Variants in CPQ observed in about 807,000 individuals in gnomAD.
The protein encoded by CPQ is Ser-Met dipeptidase.
In CPQ, 37 loss-of-function variants were observed where a neutral mutation model predicts 45.7. The observed-to-expected ratio is 0.81, with a 90% confidence interval of 0.62 to 1.07. The LOEUF is 1.07. Ranked by LOEUF, CPQ falls within the 50% of genes least tolerant of loss-of-function variation. CPQ has a pLI of 0.00. For missense variants in CPQ, 537 were observed against 572.9 expected, an observed-to-expected ratio of 0.94 and a Z score of 0.64; for synonymous variants, 186 against 205.8, an observed-to-expected ratio of 0.90 and a Z score of 0.82.
chr8:97,119,707 A>G (rs948144110), intron 7 of CPQ, among the ~76,000 whole-genome samples: 2 of 152,212 alleles, frequency 1.3e-5, no homozygotes, highest in African/African-American at 4.8e-5. Flanking sequence ...AGACCCCTGC[A>G]TCGTGACACT....
intron 2 of CPQ, among the ~76,000 whole-genome samples, chr8:96,807,225 T>G (rs1811090581): frequency 6.6e-6 from 1 of 151,912 alleles, no homozygotes; most frequent in Non-Finnish European, 1.5e-5. Context: ...AACTGCTGTT[T>G]TTTTTTTAAT....
At chr8:97,012,622 G>C (rs1378655206) in intron 5 of CPQ, among the ~76,000 whole-genome samples, 2 of 152,132 alleles carry the variant, frequency 1.3e-5, no homozygotes, top group South Asian at 4.2e-4. Flanking sequence ...TAAACTTGGG[G>C]AGTCTTTTTT....
chr8:96,697,628 A>G (rs115518593), intron 1 of CPQ, among the ~76,000 whole-genome samples: 2,987 of 152,286 alleles, frequency 0.02, 99 homozygotes, highest in African/African-American at 0.068. Context: ...CTCCACCAAA[A>G]AAGTATGAGA....
chr8:96,815,694 A>T (rs1811218464), intron 2 of CPQ, among the ~76,000 whole-genome samples: 1 of 152,106 alleles, frequency 6.6e-6, no homozygotes, highest in Non-Finnish European at 1.5e-5. Context: ...GGACTAGGCA[A>T]TGTCTCTATC....
intron 4 of CPQ, among the ~76,000 whole-genome samples, chr8:96,962,577 T>TCTAA (rs1488399368): frequency 6.6e-6 from 1 of 152,246 alleles, no homozygotes; most frequent in Non-Finnish European, 1.5e-5. Context: ...TGTTTGTTTG[T>TCTAA]CTAACTCAGA....
intron 5 of CPQ, among the ~76,000 whole-genome samples, chr8:97,016,472 A>G (rs1809581856): frequency 6.6e-6 from 1 of 152,258 alleles, no homozygotes; most frequent in African/African-American, 2.4e-5. Flanking sequence ...ATATTCATTC[A>G]GTCAATCAAA....
intron 1 of CPQ, among the ~76,000 whole-genome samples, chr8:96,733,075 C>T (rs973847941): frequency 3.3e-5 from 5 of 152,084 alleles, no homozygotes; most frequent in African/African-American, 1.2e-4. Context: ...TAAACAAACA[C>T]AAAGGCATTT....
chr8:96,959,247 C>G (rs773695353), intron 4 of CPQ, among the ~76,000 whole-genome samples: 7 of 152,094 alleles, frequency 4.6e-5, no homozygotes, highest in Non-Finnish European at 8.8e-5. Flanking sequence ...AAGAGGTGCT[C>G]AGGGAAAAGT....
At chr8:97,067,510 C>T (rs1810660001) in intron 7 of CPQ, among the ~76,000 whole-genome samples, 1 of 152,200 alleles carries the variant, frequency 6.6e-6, no homozygotes, top group South Asian at 2.1e-4. Context: ...TCTGGACCTA[C>T]TCCACTCCAG....
At chr8:96,736,992 T>A (rs879269296) in intron 1 of CPQ, among the ~76,000 whole-genome samples, 1 of 152,058 alleles carries the variant, frequency 6.6e-6, no homozygotes, top group Non-Finnish European at 1.5e-5. Flanking sequence ...TGTGCCCTCT[T>A]TCTGTATTTC....
At chr8:96,959,655 C>A (rs1813417922) in intron 4 of CPQ, among the ~76,000 whole-genome samples, 2 of 152,016 alleles carry the variant, frequency 1.3e-5, no homozygotes, top group African/African-American at 2.4e-5. Flanking sequence ...ACTCCTTGGC[C>A]TCTTCTCTAA....
chr8:97,066,009 G>A lies in CPQ; in HGVS notation c.1054G>A (p.Val352Ile). Residue 352 changes from valine to isoleucine, a missense_variant and splice_region_variant, in exon 7 of 8, where the codon GTA becomes ATA. By Grantham distance (29) the Val-to-Ile change is conservative (BLOSUM62 3). Transcript: ENST00000220763. ...GAFQYYQLHKVNISNYSLVME... is the reference protein window; with the variant it reads ...GAFQYYQLHKINISNYSLVME... The stretch of plus-strand genomic sequence containing the variant: ...CCAAACAATTTTCTCTTGTGTTTAG[G>A]TAAATATTTCCAACTACAGTCTGGT... 6.2e-7 allele frequency: 1 copy of A among 1,610,006 alleles called. No homozygotes were observed. Among genetic ancestry groups the A allele is most frequent in the Non-Finnish European group, 8.5e-7 (1 of 1,179,166 alleles).
chr8:96,774,481 A>C (rs1302780952), intron 1 of CPQ, among the ~76,000 whole-genome samples: 1 of 152,138 alleles, frequency 6.6e-6, no homozygotes, highest in African/African-American at 2.4e-5. Context: ...AGATGTGTGC[A>C]GAAATGTGTC....
At chr8:96,711,691 C>A (rs889950336) in intron 1 of CPQ, among the ~76,000 whole-genome samples, 6 of 152,082 alleles carry the variant, frequency 3.9e-5, no homozygotes, top group Non-Finnish European at 8.8e-5. Flanking sequence ...GGGGTAACTG[C>A]CCCCATGATT....
At chr8:96,706,657 T>C (rs976214971) in intron 1 of CPQ, among the ~76,000 whole-genome samples, 4 of 152,138 alleles carry the variant, frequency 2.6e-5, no homozygotes, top group African/African-American at 9.7e-5. Context: ...AGTAGTAAAA[T>C]TTTGAATAAC....
intron 1 of CPQ, among the ~76,000 whole-genome samples, chr8:96,728,320 A>G (rs1809869927): frequency 3.9e-5 from 6 of 152,142 alleles, no homozygotes. Flanking sequence ...GGATTTTATT[A>G]TTTAATGGCT....
chr8:96,659,052 G>A (rs1408172665), intron 1 of CPQ, among the ~76,000 whole-genome samples: 1 of 152,234 alleles, frequency 6.6e-6, no homozygotes, highest in Non-Finnish European at 1.5e-5. Flanking sequence ...GTTAGGAAAT[G>A]TAAACCTTTA....
intron 2 of CPQ, among the ~76,000 whole-genome samples, chr8:96,834,069 AT>A (rs1248003481): frequency 6.6e-6 from 1 of 152,324 alleles, no homozygotes; most frequent in Middle Eastern, 3.4e-3. Context: ...TTTTAGATAT[AT>A]TTAGCCACTG....
At chr8:96,781,909 A>C (rs1448528376) in intron 1 of CPQ, among the ~76,000 whole-genome samples, 1 of 152,210 alleles carries the variant, frequency 6.6e-6, no homozygotes, top group East Asian at 1.9e-4. Flanking sequence ...TGGGGACAAC[A>C]ACAGTAAATC....
Sources: allele counts gnomAD v4.1 joint callset (sites outside exome capture counted in the v4.1 genomes callset), GRCh38; gene constraint gnomAD v4.1.1; transcripts MANE v1.5; gene names NCBI Gene and HGNC (gene_info 2026-07-23, HGNC 2026-07-21).